Variants in ANXA11 observed in about 807,000 individuals in gnomAD.
The protein encoded by ANXA11 is annexin A11, also known as 56 kDa autoantigen.
In ANXA11, 57 loss-of-function variants were observed where a neutral mutation model predicts 64.7. That is an observed-to-expected ratio of 0.88 (90% CI 0.71 to 1.10). The LOEUF is 1.10. ANXA11 is among the 50% of genes least tolerant of loss of function. The pLI is 0.00. For missense variants in ANXA11, 675 were observed against 670.7 expected (o/e 1.01, Z -0.07); for synonymous variants, 260 against 265.2 (o/e 0.98, Z 0.19).
chr10:80,197,985 G>A (rs1483791172), intron 1 of ANXA11, among the ~76,000 whole-genome samples: 3 of 152,180 alleles, frequency 2.0e-5, no homozygotes, highest in Non-Finnish European at 4.4e-5. Context: ...ATCCCATGGG[G>A]TCTGGAAGAT....
chr10:80,166,931 G>C lies in ANXA11; in HGVS notation c.703C>G (p.Arg235Gly). The part of the protein sequence containing the change: ...DCLGSRSNKQ[R>G]QQILLSFKTA... ...TTGAAGGAAAGTAGGATCTGCTGCCGCTGCTTGTTGGAGCGACTCCCCAGG... is the reference window on the plus strand; with the variant it reads ...TTGAAGGAAAGTAGGATCTGCTGCCCCTGCTTGTTGGAGCGACTCCCCAGG... The change falls in exon 7 of 16, where the codon CGG becomes GGG. Residue 235 changes from arginine to glycine, a missense_variant. Transcript: ENST00000422982. 1 of 1,609,088 alleles carries C rather than the reference G, an allele frequency of 6.2e-7. No homozygotes were observed. The highest frequency in any genetic ancestry group is 8.5e-7 in the Non-Finnish European group (1 of 1,178,308).
intron 1 of ANXA11, among the ~76,000 whole-genome samples, chr10:80,184,413 C>A (rs550398354): frequency 1.3e-5 from 2 of 152,108 alleles, no homozygotes; most frequent in African/African-American, 4.8e-5. Flanking sequence ...AAAACCGTAG[C>A]CTCATTGTAA....
chr10:80,162,520 C>T (rs376103852), intron 11 of ANXA11, among the ~76,000 whole-genome samples: 16 of 152,214 alleles, frequency 1.1e-4, no homozygotes, highest in South Asian at 2.1e-4. Flanking sequence ...GGCCCTTGTC[C>T]GGGCTCTGCT....
chr10:80,177,224 G>A (rs1846203297), intron 1 of ANXA11, among the ~76,000 whole-genome samples: 1 of 152,086 alleles, frequency 6.6e-6, no homozygotes, highest in Non-Finnish European at 1.5e-5. Flanking sequence ...CCCAACCTCA[G>A]ATGATCCGCC....
chr10:80,157,931 A>T, intron 14 of ANXA11, 36 bp downstream of exon 14: 1 of 1,610,362 alleles, frequency 6.2e-7, no homozygotes, highest in South Asian at 1.1e-5. Flanking sequence ...GGCGAGGCTA[A>T]GGTTCCATCG....
chr10:80,156,225 G>A (rs971889160), intron 15 of ANXA11, among the ~76,000 whole-genome samples: 9 of 152,326 alleles, frequency 5.9e-5, no homozygotes, highest in Admixed American at 5.9e-4. Context: ...TTTTCCCAGT[G>A]CATTTATGCT....
intron 3 of ANXA11, 165 bp from the exon 4 acceptor site, chr10:80,171,080 C>T: frequency 1.3e-6 from 2 of 1,518,050 alleles, no homozygotes; most frequent in Non-Finnish European, 1.8e-6. Flanking sequence ...GGAAAGTCTC[C>T]CCCTATCCCA....
intron 2 of ANXA11, among the ~76,000 whole-genome samples, chr10:80,173,569 T>TGCCAG (rs2132429091): frequency 6.6e-6 from 1 of 152,222 alleles, no homozygotes; most frequent in South Asian, 2.1e-4. Context: ...AGGTGCCAGG[T>TGCCAG]GAGACACCTG....
At chr10:80,203,044 C>CAAA (rs11444706) in intron 1 of ANXA11, among the ~76,000 whole-genome samples, 8 of 85,246 alleles carry the variant, frequency 9.4e-5, no homozygotes, top group Admixed American at 2.5e-4. Context: ...AAATCTGTCT[C>CAAA]AAAAAAAAAA....
intron 13 of ANXA11, 46 bp from the exon 14 acceptor site, chr10:80,158,071 A>C (rs369892615): frequency 7.6e-6 from 12 of 1,587,250 alleles, no homozygotes; most frequent in South Asian, 1.1e-5. Context: ...GAAAATTCTC[A>C]GCCCAAGCAG....
At chr10:80,192,411 A>G (rs1318457725) in intron 1 of ANXA11, among the ~76,000 whole-genome samples, 1 of 152,256 alleles carries the variant, frequency 6.6e-6, no homozygotes, top group Non-Finnish European at 1.5e-5. Context: ...AAGGAACCAA[A>G]GAAACAGACA....
chr10:80,160,975 A>C (rs1360627998), intron 12 of ANXA11, among the ~76,000 whole-genome samples: 1 of 151,776 alleles, frequency 6.6e-6, no homozygotes, highest in African/African-American at 2.4e-5. Context: ...CCTCCTCACC[A>C]CAAGCCCCTA....
intron 15 of ANXA11, 138 bp from the exon 16 acceptor site, chr10:80,156,050 G>T: frequency 1.2e-6 from 1 of 819,520 alleles, no homozygotes; most frequent in Non-Finnish European, 2.0e-6. Flanking sequence ...TGCAGGTCCT[G>T]CAGCAGGCGT....
chr10:80,162,077 C>G (rs1564602384), intron 11 of ANXA11, 49 bp from the exon 12 acceptor site: 3 of 1,496,506 alleles, frequency 2.0e-6, no homozygotes, highest in Non-Finnish European at 2.8e-6. Context: ...ACCCAGACCC[C>G]AGGCCCAGGT....
At chr10:80,163,070 T>C (rs769348089) in intron 11 of ANXA11, among the ~76,000 whole-genome samples, 68 of 152,130 alleles carry the variant, frequency 4.5e-4, no homozygotes, top group Non-Finnish European at 1.8e-4. Flanking sequence ...AAGTACGCTG[T>C]CACACAAAAT....
rs940218496 is a variant in ANXA11, at chr10:80,154,794, C to T, written c.*1059G>A. 2 of 152,290 alleles carry T rather than the reference C, an allele frequency of 1.3e-5. No individual in the cohort carries two copies. The highest frequency in any genetic ancestry group is 2.4e-5 in the African/African-American group (1 of 41,460). The allele number at this position is 152,290 out of a possible 1,614,324, so 9.4% of individuals were successfully genotyped here. On this transcript the variant is annotated 3_prime_UTR_variant, in exon 16 of 16. Transcript: ENST00000422982. ...TGTCCCCATCCTTCTCTCTGGCCCCCGCCGAGGGGCACCAGGAATTAGCAC... is the reference window on the plus strand; with the variant it reads ...TGTCCCCATCCTTCTCTCTGGCCCCTGCCGAGGGGCACCAGGAATTAGCAC...
chr10:80,173,936 CA>C (rs1165319302), intron 2 of ANXA11, among the ~76,000 whole-genome samples: 1 of 152,222 alleles, frequency 6.6e-6, no homozygotes, highest in East Asian at 1.9e-4. Context: ...GCATTTGGAA[CA>C]AGTTTCCAGA....
chr10:80,165,629 C>T (rs1469410715), intron 8 of ANXA11, among the ~76,000 whole-genome samples: 3 of 152,158 alleles, frequency 2.0e-5, no homozygotes, highest in East Asian at 1.9e-4. Flanking sequence ...ACCAGAGAGA[C>T]GTCTGGCCTG....
At chr10:80,163,977 G>T in intron 9 of ANXA11, 76 bp downstream of exon 9, 1 of 1,274,430 alleles carries the variant, frequency 7.8e-7, no homozygotes, top group Non-Finnish European at 1.1e-6. Flanking sequence ...GGCCCTAGGA[G>T]AGAATGAGGC....
Sources: allele counts gnomAD v4.1 joint callset (sites outside exome capture counted in the v4.1 genomes callset), GRCh38; gene constraint gnomAD v4.1.1; transcripts MANE v1.5; gene names NCBI Gene and HGNC (gene_info 2026-07-23, HGNC 2026-07-21).